Variants in STAB2 observed in about 807,000 individuals in gnomAD.
STAB2 encodes the protein stabilin 2, also known as stabilin-2.
STAB2 carries 288 observed loss-of-function variants against 338.1 expected under a neutral mutation model. The ratio of observed to expected loss-of-function variants is 0.85; its 90% CI spans 0.77 to 0.94. The LOEUF is 0.94. STAB2 is among the 40% of genes least tolerant of loss of function. The pLI is 0.00. For synonymous variants in STAB2, 1,202 were observed against 1,193.3 expected, an observed-to-expected ratio of 1.01 and a Z score of -0.15; for missense variants, 3,141 against 3,210.1, an observed-to-expected ratio of 0.98 and a Z score of 0.52.
At chr12:103,735,795 C>T (rs1882071259) in intron 52 of STAB2, among the ~76,000 whole-genome samples, 1 of 152,166 alleles carries the variant, frequency 6.6e-6, no homozygotes, top group Non-Finnish European at 1.5e-5. Flanking sequence ...GCCCTCCTAG[C>T]AGGTGGCAGG....
In STAB2 at chr12:103,699,155, G is replaced by A; in HGVS notation, c.3642G>A (p.Leu1214=). 1 of 1,613,448 alleles carries A rather than the reference G, an allele frequency of 6.2e-7. No individual in the cohort carries two copies. The highest frequency in any genetic ancestry group is 8.5e-7 in the Non-Finnish European group (1 of 1,179,550). The change falls in exon 34 of 69, where the codon CTG becomes CTA. Residue 1214 remains leucine, a synonymous_variant. Transcript: ENST00000388887. ...AGGAGAAACTCCTGAAGAATGACCTGCACAATGGCATGCATCGTGAGACCA... is the reference window on the plus strand; with the variant it reads ...AGGAGAAACTCCTGAAGAATGACCTACACAATGGCATGCATCGTGAGACCA... ...VLEEKLLKND[L]HNGMHRETML...
chr12:103,736,907 T>C (rs1882175358), intron 52 of STAB2, among the ~76,000 whole-genome samples: 1 of 152,190 alleles, frequency 6.6e-6, no homozygotes, highest in Non-Finnish European at 1.5e-5. Flanking sequence ...ATCCATCAAC[T>C]TACTAGCTGG....
At chr12:103,598,772 C>T (rs1473328247) in intron 3 of STAB2, among the ~76,000 whole-genome samples, 1 of 152,170 alleles carries the variant, frequency 6.6e-6, no homozygotes, top group Non-Finnish European at 1.5e-5. Context: ...TTCCTTCCAG[C>T]GTTGGCCAGC....
At chr12:103,734,687 G>A (rs940346351) in intron 51 of STAB2, among the ~76,000 whole-genome samples, 2 of 152,182 alleles carry the variant, frequency 1.3e-5, no homozygotes, top group African/African-American at 4.8e-5. Flanking sequence ...TAGTTTCCCA[G>A]GGCTGCCATC....
At chr12:103,620,654 CGTG>C in intron 4 of STAB2, 101 bp downstream of exon 4, 2 of 929,382 alleles carry the variant, frequency 2.2e-6, no homozygotes, top group African/African-American at 3.3e-5. Flanking sequence ...CACACACACA[CGTG>C]CACACACACA....
intron 22 of STAB2, among the ~76,000 whole-genome samples, chr12:103,671,333 TC>T (rs2138817850): frequency 6.6e-6 from 1 of 152,154 alleles, no homozygotes; most frequent in African/African-American, 2.4e-5. Context: ...GTGCCTGTAA[TC>T]CCAGCTACTC....
At chr12:103,677,412 C>T (rs1305147531) in intron 24 of STAB2, 41 bp from the exon 25 acceptor site, 1 of 1,578,552 alleles carries the variant, frequency 6.3e-7, no homozygotes, top group Admixed American at 1.7e-5. Flanking sequence ...TGTGGCTGGA[C>T]TGAGGATTCA....
At chr12:103,592,815 TG>T (rs1956820359) in intron 2 of STAB2, among the ~76,000 whole-genome samples, 1 of 152,210 alleles carries the variant, frequency 6.6e-6, no homozygotes. Flanking sequence ...ACCAAAACTT[TG>T]TACCCTGCAA....
intron 28 of STAB2, among the ~76,000 whole-genome samples, chr12:103,689,134 AT>A (rs1877697678): frequency 6.6e-6 from 1 of 152,062 alleles, no homozygotes; most frequent in African/African-American, 2.4e-5. Context: ...ACTTTCTCCC[AT>A]GCTGAAACTG....
At chr12:103,765,415 G>A (rs1219538879) in intron 68 of STAB2, among the ~76,000 whole-genome samples, 2 of 152,122 alleles carry the variant, frequency 1.3e-5, no homozygotes, top group African/African-American at 4.8e-5. Flanking sequence ...ACATTCTCAC[G>A]CCTTTGACAC....
At chr12:103,662,723 G>T (rs1874728757) in intron 17 of STAB2, 123 bp from the exon 18 acceptor site, 3 of 1,148,900 alleles carry the variant, frequency 2.6e-6, no homozygotes, top group South Asian at 3.3e-5. Flanking sequence ...ACCCTCCAAT[G>T]AAAAGTTAAG....
At chr12:103,689,756 T>C in intron 28 of STAB2, 90 bp from the exon 29 acceptor site, 1 of 1,506,634 alleles carries the variant, frequency 6.6e-7, no homozygotes, top group Non-Finnish European at 8.9e-7. Flanking sequence ...CAGTATCTTA[T>C]GGGAAATTGT....
chr12:103,617,175 C>T (rs552161456), intron 3 of STAB2, among the ~76,000 whole-genome samples: 1 of 152,260 alleles, frequency 6.6e-6, no homozygotes, highest in East Asian at 1.9e-4. Flanking sequence ...CCCTGACAAC[C>T]CTTATCCCAG....
At position 103,637,228 on chromosome 12, in the gene STAB2, A is replaced by C. The variant is rs754224004; in HGVS notation, c.701A>C (p.Tyr234Ser). Reference sequence around the variant, plus strand: ...CCCAATTACCGAGGCGATGGCAAATACTGCGACCGTGAGTAGAATTTAGAT... The same window carrying C: ...CCCAATTACCGAGGCGATGGCAAATCCTGCGACCGTGAGTAGAATTTAGAT... ...CLPNYRGDGK[Y>S]CDPINPCLRK... The change falls in exon 7 of 69, where the codon TAC (tyrosine) becomes TCC (serine). Residue 234 changes from tyrosine to serine, a missense_variant. Tyr to Ser is a moderately radical substitution (Grantham distance 144). Coordinates refer to ENST00000388887, the MANE Select transcript of STAB2 (RefSeq NM_017564.10). 6.2e-7 allele frequency: 1 copy of C among 1,611,194 alleles called. No homozygotes were observed.
intron 28 of STAB2, 134 bp from the exon 29 acceptor site, chr12:103,689,712 G>A (rs2138902673): frequency 9.3e-7 from 1 of 1,070,712 alleles, no homozygotes; most frequent in Non-Finnish European, 1.3e-6. Flanking sequence ...CAGTGGGTGG[G>A]GTGGATTTGG....
At chr12:103,728,411 TG>T (rs1881381425) in intron 47 of STAB2, among the ~76,000 whole-genome samples, 1 of 152,214 alleles carries the variant, frequency 6.6e-6, no homozygotes, top group Admixed American at 6.5e-5. Context: ...CACCCAGCCT[TG>T]TTTGTATTTT....
chr12:103,634,171 C>T (rs1957507470), intron 6 of STAB2, among the ~76,000 whole-genome samples: 1 of 151,752 alleles, frequency 6.6e-6, no homozygotes, highest in Non-Finnish European at 1.5e-5. Context: ...TGGCTTAACA[C>T]TATGGTTTTA....
At chr12:103,607,387 CTGT>C (rs1957045874) in intron 3 of STAB2, among the ~76,000 whole-genome samples, 1 of 57,620 alleles carries the variant, frequency 1.7e-5, no homozygotes, top group Admixed American at 1.7e-4. Context: ...GTTCTTTTTT[CTGT>C]TTTTTTTTAA....
chr12:103,759,464 T>C (rs1454913288), intron 65 of STAB2, among the ~76,000 whole-genome samples, 191 bp downstream of exon 65: 1 of 152,162 alleles, frequency 6.6e-6, no homozygotes, highest in African/African-American at 2.4e-5. Context: ...CCTTGGGAAA[T>C]AGGGCAGCCT....
Sources: allele counts gnomAD v4.1 joint callset (sites outside exome capture counted in the v4.1 genomes callset), GRCh38; gene constraint gnomAD v4.1.1; transcripts MANE v1.5; gene names NCBI Gene and HGNC (gene_info 2026-07-23, HGNC 2026-07-21).